The following LHFPL3 variants were observed in gnomAD, a reference collection of about 807,000 sequenced individuals.
LHFPL3 encodes the protein LHFPL tetraspan subfamily member 3, also known as LHFPL tetraspan subfamily member 3 protein.
In LHFPL3, 5 loss-of-function variants were observed where a neutral mutation model predicts 19.3. The observed-to-expected ratio is 0.26, with a 90% CI of 0.14 to 0.54. LHFPL3 has a LOEUF of 0.54. Ranked by LOEUF, LHFPL3 falls within the 20% of genes least tolerant of loss-of-function variation. The pLI is 0.94. For missense variants in LHFPL3, 249 were observed against 307.4 expected (o/e 0.81, Z 1.42); for synonymous variants, 133 against 126.2 (o/e 1.05, Z -0.36).
chr7:104,706,636 T>G lies in LHFPL3; in HGVS notation c.446-30039T>G, dbSNP rs530729143. 2.6e-5 allele frequency among the ~76,000 whole-genome samples: 4 copies of G among 152,352 alleles called. No homozygotes were observed. The East Asian group carries it at 7.7e-4, about 29-fold the overall frequency. ...CTCTCCCCTAAGTATCAGAACTTACTGCAGTTGGTTGGTAAAATTTTCAGG... is the reference window on the plus strand; with the variant it reads ...CTCTCCCCTAAGTATCAGAACTTACGGCAGTTGGTTGGTAAAATTTTCAGG... On this transcript the variant is annotated intron_variant, in intron 1 of 2. Transcript: ENST00000424859.
intron 1 of LHFPL3, among the ~76,000 whole-genome samples, chr7:104,473,516 T>C (rs1362740702): frequency 3.9e-5 from 6 of 152,216 alleles, no homozygotes; most frequent in East Asian, 1.9e-4. Flanking sequence ...CAGGTACTTA[T>C]TCAGTGCTAA....
At chr7:104,387,381 T>G (rs1790968285) in intron 1 of LHFPL3, among the ~76,000 whole-genome samples, 1 of 150,896 alleles carries the variant, frequency 6.6e-6, no homozygotes, top group Admixed American at 6.6e-5. Flanking sequence ...AATTAAAAAA[T>G]GAAAGTAAAA....
At chr7:104,879,338 C>T (rs2116678675) in intron 2 of LHFPL3, among the ~76,000 whole-genome samples, 1 of 152,190 alleles carries the variant, frequency 6.6e-6, no homozygotes, top group East Asian at 1.9e-4. Context: ...ATTGCTTGAG[C>T]CTGGGAGGCA....
At chr7:104,898,749 G>T (rs1792419590) in intron 2 of LHFPL3, among the ~76,000 whole-genome samples, 1 of 152,018 alleles carries the variant, frequency 6.6e-6, no homozygotes, top group Non-Finnish European at 1.5e-5. Context: ...GAGCTCAGAA[G>T]TTTGAGGCTG....
chr7:104,644,537 CAGTT>C (rs1015661176), intron 1 of LHFPL3, among the ~76,000 whole-genome samples: 19 of 152,164 alleles, frequency 1.2e-4, no homozygotes, highest in South Asian at 4.1e-4. Flanking sequence ...TCCTAAGACT[CAGTT>C]AGGAGCATTT....
chr7:104,566,306 A>C (rs1486352362), intron 1 of LHFPL3, among the ~76,000 whole-genome samples: 1 of 152,138 alleles, frequency 6.6e-6, no homozygotes, highest in Non-Finnish European at 1.5e-5. Flanking sequence ...AGTCGTAACC[A>C]CATCACTACA....
In LHFPL3 at chr7:104,512,146, G is replaced by A. The variant is rs1167758566; in HGVS notation, c.445+182922G>A. Among the ~76,000 whole-genome samples the A allele has an allele frequency of 2.0e-5, 3 of 151,304 alleles. No individual in the cohort carries two copies. The South Asian group carries it at 6.3e-4, about 32-fold the overall frequency. On this transcript the variant is annotated intron_variant, in intron 1 of 2. Transcript: ENST00000424859. ...ATTTTTGTATTTTTACTAGAGACAG[G>A]GTTTCACCATATTGGCCAGACTGGT...
At chr7:104,584,155 G>C (rs1270657103) in intron 1 of LHFPL3, among the ~76,000 whole-genome samples, 2 of 152,042 alleles carry the variant, frequency 1.3e-5, no homozygotes, top group African/African-American at 2.4e-5. Context: ...CATGTCCTTT[G>C]TAGGGACATG....
chr7:104,564,573 AGAAAGAAAG>A, intron 1 of LHFPL3, among the ~76,000 whole-genome samples: 1 of 152,344 alleles, frequency 6.6e-6, no homozygotes, highest in South Asian at 2.1e-4. Flanking sequence ...TTTTTACATG[AGAAAGAAAG>A]TAAACAGGCA....
chr7:104,554,111 T>G (rs1233899097), intron 1 of LHFPL3, among the ~76,000 whole-genome samples: 1 of 152,196 alleles, frequency 6.6e-6, no homozygotes, highest in Non-Finnish European at 1.5e-5. Context: ...AATATTAAAA[T>G]GAATCATCCT....
chr7:104,880,329 A>C (rs1163385782), intron 2 of LHFPL3, among the ~76,000 whole-genome samples: 3 of 151,892 alleles, frequency 2.0e-5, no homozygotes, highest in Non-Finnish European at 4.4e-5. Flanking sequence ...TTCCACCAAG[A>C]TTGGAAGCCT....
At chr7:104,645,647 G>A (rs966526867) in intron 1 of LHFPL3, among the ~76,000 whole-genome samples, 9 of 127,364 alleles carry the variant, frequency 7.1e-5, no homozygotes, top group African/African-American at 2.6e-4. Flanking sequence ...TTGCTCTATT[G>A]GGTTTTCTTT....
At chr7:104,558,255 C>G (rs747322580) in intron 1 of LHFPL3, among the ~76,000 whole-genome samples, 15,769 of 150,374 alleles carry the variant, frequency 0.1, 1,676 homozygotes, top group African/African-American at 0.29. Flanking sequence ...AATCGCCACA[C>G]TGACTTCCAC....
chr7:104,777,629 G>A (rs1377370318), intron 2 of LHFPL3, among the ~76,000 whole-genome samples: 4 of 152,294 alleles, frequency 2.6e-5, no homozygotes, highest in African/African-American at 9.6e-5. Context: ...GAAATCCCCA[G>A]TGCCTGATTG....
intron 1 of LHFPL3, among the ~76,000 whole-genome samples, chr7:104,613,646 C>T (rs1478963590): frequency 6.6e-6 from 1 of 152,278 alleles, no homozygotes; most frequent in Non-Finnish European, 1.5e-5. Context: ...GCCTAGATAA[C>T]TAATTTTCAG....
At chr7:104,782,713 A>C (rs948979768) in intron 2 of LHFPL3, among the ~76,000 whole-genome samples, 2 of 152,186 alleles carry the variant, frequency 1.3e-5, no homozygotes, top group Non-Finnish European at 1.5e-5. Context: ...GGGGAAGCCA[A>C]AACTCCTTAG....
chr7:104,874,350 T>A (rs890826089), intron 2 of LHFPL3, among the ~76,000 whole-genome samples: 1 of 151,434 alleles, frequency 6.6e-6, no homozygotes, highest in Non-Finnish European at 1.5e-5. Context: ...TTTTCAAGAG[T>A]GTCTTTCTGC....
chr7:104,846,836 T>TA (rs1791322410), intron 2 of LHFPL3, among the ~76,000 whole-genome samples: 1 of 152,318 alleles, frequency 6.6e-6, no homozygotes, highest in African/African-American at 2.4e-5. Flanking sequence ...TCCTCATCTG[T>TA]AAAATGAGTT....
chr7:104,370,090 C>T lies in LHFPL3; in HGVS notation c.445+40866C>T, dbSNP rs776165564. On this transcript the variant is annotated intron_variant, in intron 1 of 2. Coordinates refer to ENST00000424859, the MANE Select transcript of LHFPL3 (RefSeq NM_199000.3). ...GAACACAAATGTTTCACAGAGGTAGCCAGTGTAGGAAGCAGATAAAACCTC... is the reference window on the plus strand; with the variant it reads ...GAACACAAATGTTTCACAGAGGTAGTCAGTGTAGGAAGCAGATAAAACCTC... Among the ~76,000 whole-genome samples, 113 of 152,058 alleles carry T rather than the reference C, an allele frequency of 7.4e-4. 1 individual carries two copies. Among genetic ancestry groups the T allele is most frequent in the Admixed American group, 2.6e-3 (40 of 15,258 alleles).
Sources: gnomAD v4.1 joint callset for allele counts (sites outside exome capture counted in the v4.1 genomes callset) on GRCh38, gnomAD v4.1.1 for gene constraint, MANE v1.5 for transcripts, NCBI Gene and HGNC (gene_info 2026-07-23, HGNC 2026-07-21) for gene names.